Variants in XKR4 observed in about 807,000 individuals in gnomAD.
XKR4 encodes the protein XK related 4.
Under a neutral mutation model 53.9 loss-of-function variants are expected in XKR4, and 12 were observed. That is an observed-to-expected ratio of 0.22 (90% confidence interval 0.14 to 0.36). The LOEUF is 0.36. Ranked by LOEUF, XKR4 falls within the 10% of genes least tolerant of loss-of-function variation. The pLI is 1.00. For synonymous variants in XKR4, 354 were observed against 362.4 expected, an observed-to-expected ratio of 0.98 and a Z score of 0.26; for missense variants, 799 against 859.5, an observed-to-expected ratio of 0.93 and a Z score of 0.88.
At chr8:55,388,114 C>A (rs113417753) in intron 2 of XKR4, among the ~76,000 whole-genome samples, 173 of 152,270 alleles carry the variant, frequency 1.1e-3, no homozygotes, top group African/African-American at 3.8e-3. Context: ...CCTAACTCTG[C>A]CATTTAGGAA....
intron 2 of XKR4, among the ~76,000 whole-genome samples, chr8:55,494,694 C>A (rs1217885645): frequency 6.6e-6 from 1 of 152,120 alleles, no homozygotes; most frequent in African/African-American, 2.4e-5. Flanking sequence ...GCAGAGAGTG[C>A]CGCTCCTCTC....
intron 2 of XKR4, among the ~76,000 whole-genome samples, chr8:55,386,576 T>C (rs1224618386): frequency 6.6e-6 from 1 of 152,226 alleles, no homozygotes; most frequent in Non-Finnish European, 1.5e-5. Context: ...TTCTACCCAG[T>C]ATTGCCAAAA....
chr8:55,436,926 A>G (rs529101425), intron 2 of XKR4, among the ~76,000 whole-genome samples: 38 of 152,302 alleles, frequency 2.5e-4, no homozygotes, highest in Non-Finnish European at 5.0e-4. Flanking sequence ...CACATTGTAT[A>G]TGCACAGCAT....
intron 1 of XKR4, among the ~76,000 whole-genome samples, chr8:55,120,826 A>T (rs1816381038): frequency 6.6e-6 from 1 of 152,190 alleles, no homozygotes; most frequent in Admixed American, 6.6e-5. Context: ...ATCATACAGA[A>T]TAGTTTCATT....
chr8:55,300,566 G>T (rs1315122444), intron 1 of XKR4, among the ~76,000 whole-genome samples: 2 of 152,072 alleles, frequency 1.3e-5, no homozygotes, highest in Admixed American at 1.3e-4. Flanking sequence ...ATGGGTCGTG[G>T]AATAGAAAGT....
chr8:55,379,729 G>A (rs957795258), intron 2 of XKR4, among the ~76,000 whole-genome samples: 1 of 152,194 alleles, frequency 6.6e-6, no homozygotes, highest in Non-Finnish European at 1.5e-5. Flanking sequence ...GATGCACTTT[G>A]TTTGGCCCCA....
chr8:55,468,248 G>A (rs943947657), intron 2 of XKR4, among the ~76,000 whole-genome samples: 5 of 152,180 alleles, frequency 3.3e-5, no homozygotes, highest in South Asian at 4.1e-4. Flanking sequence ...TGACTTGGTC[G>A]TGGGAAATAT....
rs543575303 is a variant in XKR4 at position 55,534,720 on chromosome 8, A to G, written c.*10493A>G. The G allele has an allele frequency of 2.0e-5, 3 of 150,504 alleles. No homozygotes were observed. The highest frequency in any genetic ancestry group is 6.6e-5 in the Admixed American group (1 of 15,176). 9.3% of individuals were successfully genotyped at this position (150,504 alleles called of 1,614,324 possible). ...ATTTTCACATAGAGGTAAACAGATCATCTCTTAATTTAATACATGGTTCTT... is the reference window on the plus strand; with the variant it reads ...ATTTTCACATAGAGGTAAACAGATCGTCTCTTAATTTAATACATGGTTCTT... On this transcript the variant is annotated 3_prime_UTR_variant, in exon 3 of 3. Transcript: ENST00000327381.
intron 2 of XKR4, among the ~76,000 whole-genome samples, chr8:55,407,313 GC>G (rs1255694080): frequency 6.6e-6 from 1 of 152,232 alleles, no homozygotes; most frequent in Non-Finnish European, 1.5e-5. Flanking sequence ...CTTTCGCACT[GC>G]TTCCCAGGAA....
At chr8:55,280,818 C>T (rs1191666898) in intron 1 of XKR4, among the ~76,000 whole-genome samples, 1 of 152,074 alleles carries the variant, frequency 6.6e-6, no homozygotes, top group African/African-American at 2.4e-5. Context: ...AGACTAAATG[C>T]CCATTCTATA....
Position 55,497,157 on chromosome 8 carries a change from C to T in XKR4, c.1007-26124C>T, listed in dbSNP as rs200975753. Among the ~76,000 whole-genome samples, 6 of 152,320 alleles carry T rather than the reference C, an allele frequency of 3.9e-5. No individual in the cohort carries two copies. In the South Asian group the frequency reaches 6.2e-4, roughly 16 times the overall value. On this transcript the variant is annotated intron_variant, in intron 2 of 2. Coordinates refer to ENST00000327381, the MANE Select transcript of XKR4 (RefSeq NM_052898.2). ...GAGCTGTAAAAGCAAACTCCTGAAC[C>T]GTATTTCCCAGATGTCTATTTAACA... is the stretch of plus-strand genomic sequence containing the variant.
chr8:55,254,899 C>T (rs1818416634), intron 1 of XKR4, among the ~76,000 whole-genome samples: 1 of 152,236 alleles, frequency 6.6e-6, no homozygotes, highest in Non-Finnish European at 1.5e-5. Context: ...ATTTTGTCTA[C>T]TCATGAATTA....
At chr8:55,234,066 G>A (rs1818084285) in intron 1 of XKR4, among the ~76,000 whole-genome samples, 1 of 152,146 alleles carries the variant, frequency 6.6e-6, no homozygotes, top group South Asian at 2.1e-4. Context: ...CAGGATTTAG[G>A]AAACTGTGGT....
intron 1 of XKR4, among the ~76,000 whole-genome samples, chr8:55,133,288 T>C (rs1816583449): frequency 6.6e-6 from 1 of 152,208 alleles, no homozygotes; most frequent in South Asian, 2.1e-4. Context: ...CTGCTCTGGC[T>C]AAAAACTGCT....
At chr8:55,289,235 G>A (rs1818948095) in intron 1 of XKR4, among the ~76,000 whole-genome samples, 1 of 152,022 alleles carries the variant, frequency 6.6e-6, no homozygotes, top group Admixed American at 6.6e-5. Context: ...AAATTGCCAG[G>A]CCAGTTGAGG....
At chr8:55,293,515 A>T (rs2129375765) in intron 1 of XKR4, among the ~76,000 whole-genome samples, 1 of 152,318 alleles carries the variant, frequency 6.6e-6, no homozygotes, top group Admixed American at 6.5e-5. Context: ...ATTCTAAATG[A>T]CATCACATAC....
At chr8:55,453,080 T>G in intron 2 of XKR4, 1 of 575,424 alleles carries the variant, frequency 1.7e-6, no homozygotes, top group Non-Finnish European at 3.4e-6. Context: ...TGATCCTCGG[T>G]GGGCTCCAGG....
Position 55,540,677 on chromosome 8 carries a change from A to G in XKR4, c.*16450A>G, listed in dbSNP as rs527571157. 2 of 152,364 alleles carry G rather than the reference A, an allele frequency of 1.3e-5. No individual in the cohort carries two copies. Among genetic ancestry groups the G allele is most frequent in the East Asian group, 3.9e-4 (2 of 5,192 alleles). The allele number at this position is 152,364 out of a possible 1,614,324, so 9.4% of individuals were successfully genotyped here. A position where few individuals can be genotyped will look rare whatever the true frequency, so the allele number is the denominator to read the frequency against. ...AGAGGTTTCTTCTCTCTTTGAAACCAAATAGCACGCTGAATTTAGGGCTAT... is the reference window on the plus strand; with the variant it reads ...AGAGGTTTCTTCTCTCTTTGAAACCGAATAGCACGCTGAATTTAGGGCTAT... On this transcript the variant is annotated 3_prime_UTR_variant, in exon 3 of 3. Transcript: ENST00000327381.
At position 55,357,701 on chromosome 8, in the gene XKR4, G is replaced by A. The variant is rs762302543; in HGVS notation, c.830G>A (p.Gly277Asp). The A allele has an allele frequency of 5.0e-5, 80 of 1,614,096 alleles. No homozygotes were observed. Among genetic ancestry groups the A allele is most frequent in the Non-Finnish European group, 6.7e-5 (79 of 1,179,998 alleles). ...AGATATTTCCACACAATATACTTAG[G>A]TATTCGAAGCCGACAGAGTGGGGAG... ...IWRYFHTIYL[G>D]IRSRQSGEND... Residue 277 changes from glycine to aspartate, a missense_variant, in exon 2 of 3, where the codon GGT (glycine) becomes GAT (aspartate). Gly to Asp is a moderately conservative substitution (Grantham distance 94). Around this residue, in one of 3 missense-constraint regions of XKR4, gnomAD observed 476 missense variants for 505.4 expected, o/e 0.94. Coordinates refer to ENST00000327381, the MANE Select transcript of XKR4 (RefSeq NM_052898.2).
Sources: allele counts gnomAD v4.1 joint callset (sites outside exome capture counted in the v4.1 genomes callset), GRCh38; gene constraint gnomAD v4.1.1; regional missense constraint gnomAD v4.1.1; transcripts MANE v1.5; gene names NCBI Gene and HGNC (gene_info 2026-07-23, HGNC 2026-07-21).